Variants in GSK3B observed in about 807,000 individuals in gnomAD.
GSK3B encodes the protein glycogen synthase kinase-3 beta.
Under a neutral mutation model 56.4 loss-of-function variants are expected in GSK3B, and 15 were observed. The observed-to-expected ratio is 0.27, with a 90% CI of 0.18 to 0.41. GSK3B has a LOEUF of 0.41. GSK3B is among the 10% of genes least tolerant of loss of function. The probability of loss-of-function intolerance (pLI) is 1.00; values close to 1 mark genes in which losing one functional copy is unlikely to be tolerated. For missense variants in GSK3B, 300 were observed against 513.4 expected (o/e 0.58, Z 4.02); for synonymous variants, 181 against 188.9 (o/e 0.96, Z 0.34).
At chr3:119,951,952 A>C (rs2057160945) in intron 2 of GSK3B, among the ~76,000 whole-genome samples, 1 of 151,268 alleles carries the variant, frequency 6.6e-6, no homozygotes. Flanking sequence ...TTGAGATGGC[A>C]TTAAAAAAAA....
intron 4 of GSK3B, among the ~76,000 whole-genome samples, chr3:119,918,700 A>C (rs549143584): frequency 6.6e-6 from 1 of 152,344 alleles, no homozygotes; most frequent in African/African-American, 2.4e-5. Flanking sequence ...GTTTTTACAG[A>C]AGATATTGAG....
chr3:119,928,976 A>T lies in GSK3B; in HGVS notation c.367-5493T>A, dbSNP rs528011911. Among the ~76,000 whole-genome samples, 138 of 152,330 alleles carry T rather than the reference A, an allele frequency of 9.1e-4. 1 individual carries two copies. The highest frequency in any genetic ancestry group is 3.3e-3 in the African/African-American group (137 of 41,588). The stretch of plus-strand genomic sequence containing the variant: ...TTTTAGCTATTTTCATCCTTAAAAA[A>T]TTAGTTATCTTTTTTTCTTTAAATC... On this transcript the variant is annotated intron_variant, in intron 3 of 10. Coordinates refer to ENST00000264235, the MANE Select transcript of GSK3B (RefSeq NM_001146156.2).
rs1169864210 is a variant in GSK3B at position 119,863,570 on chromosome 3, T to G, written c.945A>C (p.Ala315=). 1 of 1,613,240 alleles carries G rather than the reference T, an allele frequency of 6.2e-7. No individual in the cohort carries two copies. The highest frequency in any genetic ancestry group is 8.5e-7 in the Non-Finnish European group (1 of 1,179,312). ...TATACTCCAGCAGACGGCTACACAGTGCAATTGCCTCCGGTGGAGTTCGGG... is the reference window on the plus strand; with the variant it reads ...TATACTCCAGCAGACGGCTACACAGGGCAATTGCCTCCGGTGGAGTTCGGG... ...FRPRTPPEAI[A]LCSRLLEYTP... Residue 315 remains alanine, a synonymous_variant, in exon 9 of 11, where the codon GCA becomes GCC. Coordinates refer to ENST00000264235, the MANE Select transcript of GSK3B (RefSeq NM_001146156.2).
intron 1 of GSK3B, among the ~76,000 whole-genome samples, chr3:120,067,725 A>G (rs1474038132): frequency 1.3e-5 from 2 of 152,258 alleles, no homozygotes; most frequent in African/African-American, 4.8e-5. Flanking sequence ...TTAAATAACC[A>G]CAGGGATGCA....
chr3:119,911,219 C>T (rs762850651), intron 6 of GSK3B, among the ~76,000 whole-genome samples: 16 of 152,154 alleles, frequency 1.1e-4, no homozygotes, highest in Admixed American at 3.9e-4. Context: ...CTTTGGGTGA[C>T]CAGTTGCACT....
chr3:119,981,150 C>A (rs890042764), intron 2 of GSK3B, among the ~76,000 whole-genome samples: 1 of 152,226 alleles, frequency 6.6e-6, no homozygotes, highest in African/African-American at 2.4e-5. Context: ...GTCCTGGGCT[C>A]TACACCTAGC....
Position 119,848,293 on chromosome 3 carries a change from T to TTTTA in GSK3B, c.1097-4941_1097-4940insTAAA, listed in dbSNP as rs552051151. 5.9e-5 allele frequency among the ~76,000 whole-genome samples: 9 copies of TTTTA among 152,326 alleles called. No individual in the cohort carries two copies. In the East Asian group the frequency reaches 1.7e-3, roughly 29 times the overall value. ...CTGTAAGTACTAATTTTCACTCTAA[T>TTTTA]ATGTGTCACAGTTTGAAGGAACAAT... On this transcript the variant is annotated intron_variant, in intron 9 of 10. Coordinates refer to ENST00000264235, the MANE Select transcript of GSK3B (RefSeq NM_001146156.2).
At chr3:120,047,443 C>T (rs2058113154) in intron 1 of GSK3B, among the ~76,000 whole-genome samples, 2 of 152,124 alleles carry the variant, frequency 1.3e-5, no homozygotes, top group South Asian at 4.1e-4. Context: ...ACACACTAAA[C>T]CCAATGCCAG....
intron 7 of GSK3B, among the ~76,000 whole-genome samples, chr3:119,888,817 A>G (rs1345578550): frequency 6.6e-6 from 1 of 151,788 alleles, no homozygotes; most frequent in African/African-American, 2.4e-5. Context: ...TCCTTGGGGG[A>G]GGTCTATAAA....
chr3:119,823,979 C>G lies in GSK3B; in HGVS notation c.*2809G>C, dbSNP rs941822609. ...AACTATATAGATACACTATACATTG[C>G]TAGAGTTATTGTTACAATAATACAG... is the stretch of plus-strand genomic sequence containing the variant. On this transcript the variant is annotated 3_prime_UTR_variant, in exon 11 of 11. Coordinates refer to ENST00000264235, the MANE Select transcript of GSK3B (RefSeq NM_001146156.2). 5.0e-6 allele frequency: 1 copy of G among 198,270 alleles called. No homozygotes were observed. Among genetic ancestry groups the G allele is most frequent in the Non-Finnish European group, 1.0e-5 (1 of 96,102 alleles). 12.3% of individuals were successfully genotyped at this position (198,270 alleles called of 1,614,324 possible).
chr3:120,034,556 A>G (rs9834346), intron 1 of GSK3B, among the ~76,000 whole-genome samples: 9,422 of 152,222 alleles, frequency 0.062, 916 homozygotes, highest in African/African-American at 0.21. Flanking sequence ...CTTATTTTTA[A>G]ACTAATGATC....
chr3:119,877,900 T>C (rs956327983), intron 7 of GSK3B, among the ~76,000 whole-genome samples: 1 of 152,188 alleles, frequency 6.6e-6, no homozygotes, highest in Non-Finnish European at 1.5e-5. Context: ...ATATTACTCA[T>C]CTTTATAAGA....
rs895361653 is a variant in GSK3B at position 119,894,565 on chromosome 3, T to A, written c.813+11190A>T. The stretch of plus-strand genomic sequence containing the variant: ...CATTTGTGTATCTTCTTTAGAGAAG[T>A]GTCTATGCCGATTCTTTGTCCATTT... On this transcript the variant is annotated intron_variant, in intron 7 of 10. Coordinates refer to ENST00000264235, the MANE Select transcript of GSK3B (RefSeq NM_001146156.2). Among the ~76,000 whole-genome samples the A allele has an allele frequency of 9.7e-4, 147 of 152,270 alleles. 2 individuals carry two copies. The highest frequency in any genetic ancestry group is 2.2e-4 in the Non-Finnish European group (15 of 68,000).
intron 9 of GSK3B, among the ~76,000 whole-genome samples, chr3:119,858,393 T>C (rs773949324): frequency 6.6e-6 from 1 of 152,242 alleles, no homozygotes; most frequent in South Asian, 2.1e-4. Context: ...AGCTTCTATA[T>C]CAGCACTTGC....
chr3:119,865,431 T>C (rs1315662986), intron 8 of GSK3B, among the ~76,000 whole-genome samples: 2 of 129,166 alleles, frequency 1.5e-5, no homozygotes, highest in Admixed American at 8.6e-5. Context: ...ATAAGCTTAT[T>C]TCCGATATAT....
At chr3:120,029,729 G>A (rs980693184) in intron 1 of GSK3B, 5 of 547,202 alleles carry the variant, frequency 9.1e-6, no homozygotes, top group African/African-American at 5.7e-5. Context: ...ATCATGCAGT[G>A]CATCCTGGGG....
At chr3:119,914,721 T>C (rs1401599771) in intron 5 of GSK3B, among the ~76,000 whole-genome samples, 1 of 152,080 alleles carries the variant, frequency 6.6e-6, no homozygotes, top group Non-Finnish European at 1.5e-5. Context: ...GAGGACACAT[T>C]GTGAGACTAA....
At position 119,825,440 on chromosome 3, in the gene GSK3B, T is replaced by A. The variant is rs1025914238; in HGVS notation, c.*1348A>T. The A allele has an allele frequency of 4.4e-6, 1 of 229,348 alleles. No homozygotes were observed. The highest frequency in any genetic ancestry group is 8.6e-6 in the Non-Finnish European group (1 of 115,798). 14.2% of individuals were successfully genotyped at this position (229,348 alleles called of 1,614,324 possible). On this transcript the variant is annotated 3_prime_UTR_variant, in exon 11 of 11. Transcript: ENST00000264235. ...TAACTGGGTGTGGGGGAAACATTCTTCTCATGCTTCAACCAGTCAATTTTG... is the reference window on the plus strand; with the variant it reads ...TAACTGGGTGTGGGGGAAACATTCTACTCATGCTTCAACCAGTCAATTTTG...
intron 1 of GSK3B, among the ~76,000 whole-genome samples, chr3:120,061,963 C>A (rs2058240687): frequency 6.6e-6 from 1 of 151,878 alleles, no homozygotes. Context: ...AACTCCCCAC[C>A]TCAGGTGATC....
Sources: gnomAD v4.1 joint callset for allele counts (sites outside exome capture counted in the v4.1 genomes callset) on GRCh38, gnomAD v4.1.1 for gene constraint, MANE v1.5 for transcripts, NCBI Gene and HGNC (gene_info 2026-07-23, HGNC 2026-07-21) for gene names.